IGFL4: variants seen among roughly 807,000 people sequenced by gnomAD.
IGFL4 encodes IGF like family member 4.
A neutral mutation model predicts 15.4 loss-of-function variants in IGFL4; 12 were observed. That is an observed-to-expected ratio of 0.78 (90% CI 0.50 to 1.26). The LOEUF is 1.26. Among genes scored for constraint, IGFL4 ranks in the 50% most tolerant of loss-of-function variants. The pLI is 0.00. For missense variants in IGFL4, 126 were observed against 147.8 expected, an observed-to-expected ratio of 0.85 and a Z score of 0.76; for synonymous variants, 54 against 55.9, an observed-to-expected ratio of 0.97 and a Z score of 0.16.
At chr19:46,039,972 G>C in intron 3 of IGFL4, 36 bp from the exon 4 acceptor site, 1 of 1,589,434 alleles carries the variant, frequency 6.3e-7, no homozygotes, top group Non-Finnish European at 8.6e-7. Context: ...GGGAATAAGA[G>C]GGAGGGTGGT....
rs569623846 is a variant in IGFL4 at position 46,065,596 on chromosome 19, C to T, written c.-431-5303G>A. Among the ~76,000 whole-genome samples the T allele has an allele frequency of 1.4e-3, 220 of 152,340 alleles. 1 individual carries two copies. Among genetic ancestry groups the T allele is most frequent in the African/African-American group, 5.1e-3 (211 of 41,576 alleles). On this transcript the variant is annotated intron_variant, in intron 1 of 5. Coordinates refer to the IGFL4 transcript ENST00000601672. ...TGCTAGGATTACAGGCCTGAGCCAC[C>T]GCGCCTGGCTGGCATTTATTTATTG... is the stretch of plus-strand genomic sequence containing the variant.
chr19:46,063,335 G>GCA (rs5828265), intron 1 of IGFL4, among the ~76,000 whole-genome samples: 11,801 of 147,036 alleles, frequency 0.08, 477 homozygotes, highest in Middle Eastern at 0.12. Context: ...ACACACGCAT[G>GCA]CACACACACA....
At chr19:46,075,947 A>G (rs1469600710) in intron 1 of IGFL4, among the ~76,000 whole-genome samples, 1 of 152,190 alleles carries the variant, frequency 6.6e-6, no homozygotes, top group Non-Finnish European at 1.5e-5. Context: ...TCCTGCTGCT[A>G]TAACAAAATA....
At chr19:46,058,369 C>T (rs1969412767) in intron 2 of IGFL4, 1 of 152,178 alleles carries the variant, frequency 6.6e-6, no homozygotes, top group Non-Finnish European at 1.5e-5. Flanking sequence ...AGGTGGGTTC[C>T]CATGGTCTTG....
At chr19:46,055,534 A>G (rs1042874919) in intron 2 of IGFL4, among the ~76,000 whole-genome samples, 2 of 152,286 alleles carry the variant, frequency 1.3e-5, no homozygotes, top group East Asian at 1.9e-4. Flanking sequence ...AAATTTTCCA[A>G]TCTTTTGAAA....
intron 1 of IGFL4, among the ~76,000 whole-genome samples, chr19:46,068,161 A>G (rs1035547359): frequency 1.3e-5 from 2 of 152,216 alleles, no homozygotes; most frequent in Admixed American, 6.5e-5. Flanking sequence ...CTTTTGTCAC[A>G]GATGCTCTTC....
intron 1 of IGFL4, among the ~76,000 whole-genome samples, chr19:46,066,756 C>T (rs1969498635): frequency 6.6e-6 from 1 of 152,218 alleles, no homozygotes; most frequent in African/African-American, 2.4e-5. Flanking sequence ...CAGCACCAAG[C>T]TATGAGGGAT....
At chr19:46,072,551 TA>T (rs1969556665) in intron 1 of IGFL4, among the ~76,000 whole-genome samples, 1 of 152,208 alleles carries the variant, frequency 6.6e-6, no homozygotes, top group Non-Finnish European at 1.5e-5. Flanking sequence ...GAAATATGTT[TA>T]ATGTCACTCA....
At chr19:46,041,862 A>G (rs2146509057), upstream of IGFL4, among the ~76,000 whole-genome samples, 1 of 120,708 alleles carries the variant, frequency 8.3e-6, no homozygotes, top group East Asian at 2.3e-4. Flanking sequence ...TTTTTGAGAC[A>G]CCGTATCTCT....
chr19:46,045,148 A>G (rs144485875), upstream of IGFL4, among the ~76,000 whole-genome samples: 1 of 152,284 alleles, frequency 6.6e-6, no homozygotes, highest in Non-Finnish European at 1.5e-5. Flanking sequence ...AGTAGTTTTA[A>G]GAAGGTGGGT....
intron 1 of IGFL4, among the ~76,000 whole-genome samples, chr19:46,061,297 A>C (rs1228669727): frequency 6.6e-6 from 1 of 152,226 alleles, no homozygotes; most frequent in Non-Finnish European, 1.5e-5. Context: ...TTTTTCCTGA[A>C]GATTACATAA....
rs190278409 is a variant in IGFL4 at position 46,039,866 on chromosome 19, C to T, written c.*26G>A. On this transcript the variant is annotated 3_prime_UTR_variant, in exon 4 of 4. Coordinates refer to ENST00000377697, the MANE Select transcript of IGFL4 (RefSeq NM_001002923.3). ...ACCAAGTATTAGATTCTAGAGTGAT[C>T]TGTGACTCTGCTACCCCAGAACAGT... The T allele has an allele frequency of 1.0e-5, 16 of 1,578,488 alleles. No homozygotes were observed. In the Middle Eastern group the frequency reaches 8.3e-4, roughly 82 times the overall value.
At chr19:46,059,993 T>C (rs1338584104) in intron 2 of IGFL4, 3 of 152,116 alleles carry the variant, frequency 2.0e-5, no homozygotes, top group Non-Finnish European at 4.4e-5. Flanking sequence ...AGACAAGGCA[T>C]GAGGCCAGGT....
chr19:46,050,220 G>C (rs1299026774), intron 2 of IGFL4, among the ~76,000 whole-genome samples: 1 of 152,092 alleles, frequency 6.6e-6, no homozygotes, highest in Non-Finnish European at 1.5e-5. Context: ...AACGAGAAAG[G>C]AACAGAAAAA....
At chr19:46,042,120 T>G (rs375116893), upstream of IGFL4, among the ~76,000 whole-genome samples, 101,388 of 151,424 alleles carry the variant, frequency 0.67, 34,519 homozygotes, top group East Asian at 0.86. Context: ...GTTGTTGTTG[T>G]GCTTATTTGC....
chr19:46,073,354 G>A (rs939868533), intron 1 of IGFL4, among the ~76,000 whole-genome samples: 11 of 152,106 alleles, frequency 7.2e-5, no homozygotes, highest in African/African-American at 2.7e-4. Context: ...ATTGCAATTA[G>A]AGTTCCTTCT....
intron 2 of IGFL4, among the ~76,000 whole-genome samples, chr19:46,052,204 G>A (rs1030376457): frequency 2.6e-5 from 4 of 152,050 alleles, no homozygotes; most frequent in African/African-American, 4.8e-5. Context: ...CACAGGGAAC[G>A]TTCAGAATTA....
chr19:46,065,362 G>A lies in IGFL4; in HGVS notation c.-431-5069C>T, dbSNP rs181429123. On this transcript the variant is annotated intron_variant, in intron 1 of 5. Coordinates refer to the IGFL4 transcript ENST00000601672. ...TTTTGAGAGGGAGTCTCGCTCTGTC[G>A]CCCAGGCTGGAGTGCAGCGGCGTGA... Among the ~76,000 whole-genome samples, 341 of 152,166 alleles carry A rather than the reference G, an allele frequency of 2.2e-3. 2 individuals carry two copies. The highest frequency in any genetic ancestry group is 7.3e-3 in the African/African-American group (305 of 41,514).
intron 1 of IGFL4, among the ~76,000 whole-genome samples, chr19:46,066,077 C>T (rs1443804480): frequency 3.3e-5 from 5 of 152,164 alleles, no homozygotes. Flanking sequence ...GTGATTTTTT[C>T]TCTTGATTTC....
Sources: gnomAD v4.1 joint callset for allele counts (sites outside exome capture counted in the v4.1 genomes callset) on GRCh38, gnomAD v4.1.1 for gene constraint, MANE v1.5 for transcripts, NCBI Gene and HGNC (gene_info 2026-07-23, HGNC 2026-07-21) for gene names.